The following PARD3B variants were observed in gnomAD, a reference collection of about 807,000 sequenced individuals.
The protein encoded by PARD3B is partitioning defective 3 homolog B.
In PARD3B, 103 loss-of-function variants were observed where a neutral mutation model predicts 130.2. The observed-to-expected ratio is 0.79, with a 90% CI of 0.67 to 0.93. PARD3B has a LOEUF of 0.93. Among genes scored for constraint, PARD3B ranks in the 40% least tolerant of loss-of-function variants. The pLI, the probability that PARD3B is intolerant of heterozygous loss-of-function variation, is 0.00. For missense variants in PARD3B, 1,609 were observed against 1,499.2 expected, an observed-to-expected ratio of 1.07 and a Z score of -1.21; for synonymous variants, 583 against 553.2, an observed-to-expected ratio of 1.05 and a Z score of -0.76.
intron 2 of PARD3B, among the ~76,000 whole-genome samples, chr2:204,854,571 T>A (rs1227569113): frequency 6.6e-6 from 1 of 152,122 alleles, no homozygotes; most frequent in Non-Finnish European, 1.5e-5. Context: ...GGCATCGTTT[T>A]CACCCAAGGG....
rs528914573 is a variant in PARD3B, at chr2:205,281,682, C to G, written c.2186-18848C>G. On this transcript the variant is annotated intron_variant, in intron 16 of 22. Coordinates refer to ENST00000406610, the MANE Select transcript of PARD3B (RefSeq NM_001302769.2). The surrounding 1 kb of genome is among the most constrained non-coding windows in gnomAD (Gnocchi z 4.2). ...TTTCTAAGACACTATATAACCTGCA[C>G]TCGGAAGGCAGGCAACTGTTTTGTA... Among the ~76,000 whole-genome samples the G allele has an allele frequency of 2.0e-5, 3 of 152,288 alleles. No individual in the cohort carries two copies. In the East Asian group the frequency reaches 5.8e-4, roughly 29 times the overall value.
At position 204,961,155 on chromosome 2, in the gene PARD3B, A is replaced by G. The variant is rs370989374; in HGVS notation, c.223-3997A>G. Reference sequence around the variant, plus strand: ...TAGGCTTTTCTTCAAGTGAGGTGGGAAAGTATTAAAGGAGTCTCATCAGAG... The same window carrying G: ...TAGGCTTTTCTTCAAGTGAGGTGGGGAAGTATTAAAGGAGTCTCATCAGAG... On this transcript the variant is annotated intron_variant, in intron 2 of 22. Coordinates refer to ENST00000406610, the MANE Select transcript of PARD3B (RefSeq NM_001302769.2). Among the ~76,000 whole-genome samples, 3 of 152,272 alleles carry G rather than the reference A, an allele frequency of 2.0e-5. No homozygotes were observed. The South Asian group carries it at 6.2e-4, about 32-fold the overall frequency.
chr2:204,735,659 C>T (rs1298212154), intron 2 of PARD3B, among the ~76,000 whole-genome samples: 2 of 152,058 alleles, frequency 1.3e-5, no homozygotes, highest in Non-Finnish European at 2.9e-5. Flanking sequence ...GTAAAAGACA[C>T]TTTAGAGCAA....
intron 1 of PARD3B, among the ~76,000 whole-genome samples, chr2:204,581,086 C>T (rs572378153): frequency 2.6e-5 from 4 of 152,164 alleles, no homozygotes; most frequent in Non-Finnish European, 4.4e-5. Flanking sequence ...TATCACACTA[C>T]GTTTTTCAAA....
chr2:204,801,880 A>G (rs2042582721), intron 2 of PARD3B, among the ~76,000 whole-genome samples: 1 of 152,308 alleles, frequency 6.6e-6, no homozygotes, highest in Middle Eastern at 3.4e-3. Context: ...GATACATTCC[A>G]TCAGTACATA....
rs1694608613 is a variant in PARD3B, at chr2:204,999,069, T to C, written c.394+33746T>C. ...TGGCAATAAAGTGTAATCTTTTTTA[T>C]GCATCGCTGGGTTCAGTTTGCTAAT... On this transcript the variant is annotated intron_variant, in intron 3 of 22. Transcript: ENST00000406610. Among the ~76,000 whole-genome samples the C allele has an allele frequency of 2.0e-5, 3 of 152,134 alleles. No individual in the cohort carries two copies. In the South Asian group the frequency reaches 6.2e-4, roughly 31 times the overall value.
chr2:205,580,386 T>C (rs530076620), intron 22 of PARD3B, among the ~76,000 whole-genome samples: 1 of 152,256 alleles, frequency 6.6e-6, no homozygotes, highest in African/African-American at 2.4e-5. Flanking sequence ...AAAACGGGCT[T>C]CTCCGGTCTC....
In PARD3B at chr2:205,244,675, AT is replaced by A. The variant is rs199678635; in HGVS notation, c.2141-1093del. Among the ~76,000 whole-genome samples the A allele has an allele frequency of 9.4e-5, 14 of 149,004 alleles. No individual in the cohort carries two copies. The highest frequency in any genetic ancestry group is 3.9e-4 in the East Asian group (2 of 5,100). ...GTGGGAAAGTTTTACTTATAAACAC[AT>A]TTTTTTTTTCAAAAAACTACTATAG... On this transcript the variant is annotated intron_variant, in intron 15 of 22. Coordinates refer to ENST00000406610, the MANE Select transcript of PARD3B (RefSeq NM_001302769.2). The surrounding 1 kb of genome is among the most constrained non-coding windows in gnomAD (Gnocchi z 4.7).
chr2:205,469,603 C>T (rs2048753775), intron 20 of PARD3B, among the ~76,000 whole-genome samples: 1 of 152,178 alleles, frequency 6.6e-6, no homozygotes, highest in Middle Eastern at 3.2e-3. Flanking sequence ...TATAGTCAGC[C>T]TAATCTTGGC....
At chr2:204,881,973 G>C (rs1345961738) in intron 2 of PARD3B, among the ~76,000 whole-genome samples, 1 of 152,166 alleles carries the variant, frequency 6.6e-6, no homozygotes, top group Non-Finnish European at 1.5e-5. Flanking sequence ...GGAGATAGCT[G>C]ACACCCTTGA....
chr2:204,832,711 C>T (rs887423424), intron 2 of PARD3B, among the ~76,000 whole-genome samples: 3 of 152,100 alleles, frequency 2.0e-5, no homozygotes, highest in African/African-American at 7.2e-5. Context: ...CTCTTTAGGT[C>T]TCAGATAGGG....
At chr2:205,206,495 C>T (rs2037318826) in intron 15 of PARD3B, among the ~76,000 whole-genome samples, 1 of 150,824 alleles carries the variant, frequency 6.6e-6, no homozygotes, top group South Asian at 2.1e-4. Context: ...CGATAGTTTA[C>T]CGAGAATGAT....
In PARD3B at chr2:205,207,407, C is replaced by A. The variant is rs992553626; in HGVS notation, c.2140+14087C>A. ...GGAAATAGAGACACAAAAAACCCTT[C>A]AAAAAATTAATGAATCCAAGAGCTG... On this transcript the variant is annotated intron_variant, in intron 15 of 22. Coordinates refer to ENST00000406610, the MANE Select transcript of PARD3B (RefSeq NM_001302769.2). 9.4e-5 allele frequency among the ~76,000 whole-genome samples: 14 copies of A among 148,236 alleles called. 1 individual carries two copies. The highest frequency in any genetic ancestry group is 3.6e-4 in the African/African-American group (14 of 38,910).
chr2:205,133,137 G>T (rs1189288539), intron 10 of PARD3B, among the ~76,000 whole-genome samples: 1 of 152,080 alleles, frequency 6.6e-6, no homozygotes, highest in East Asian at 1.9e-4. Context: ...CCACAATGAG[G>T]GTTAGGATAG....
chr2:205,328,946 T>A lies in PARD3B; in HGVS notation c.2630+27245T>A, dbSNP rs193222598. Among the ~76,000 whole-genome samples the A allele has an allele frequency of 7.4e-4, 112 of 152,288 alleles. 1 individual carries two copies. Among genetic ancestry groups the A allele is most frequent in the African/African-American group, 2.2e-3 (93 of 41,560 alleles). ...TGAAATAGTATATCTTTTCTCAAAC[T>A]TTTTCCTCAATGCATTTCTACTACC... On this transcript the variant is annotated intron_variant, in intron 18 of 22. Transcript: ENST00000406610.
intron 1 of PARD3B, among the ~76,000 whole-genome samples, chr2:204,574,816 C>T (rs1205390683): frequency 6.6e-6 from 1 of 152,302 alleles, no homozygotes; most frequent in Non-Finnish European, 1.5e-5. Flanking sequence ...TATGGTATCT[C>T]TTCCCAGTAG....
chr2:204,788,749 G>A (rs949109585), intron 2 of PARD3B, among the ~76,000 whole-genome samples: 10 of 152,008 alleles, frequency 6.6e-5, no homozygotes, highest in Non-Finnish European at 2.9e-5. Context: ...AATTAGGAAG[G>A]AAAAGACAAG....
chr2:205,095,820 A>G (rs956037620), intron 4 of PARD3B, among the ~76,000 whole-genome samples: 1 of 152,180 alleles, frequency 6.6e-6, no homozygotes, highest in Non-Finnish European at 1.5e-5. Context: ...GAACTTTATT[A>G]TAAAAATTTC....
At chr2:204,874,782 A>T (rs931059776) in intron 2 of PARD3B, among the ~76,000 whole-genome samples, 1 of 152,156 alleles carries the variant, frequency 6.6e-6, no homozygotes, top group Non-Finnish European at 1.5e-5. Context: ...TCTGATTTCT[A>T]TAATATCACC....
Sources: allele counts gnomAD v4.1 joint callset (sites outside exome capture counted in the v4.1 genomes callset), GRCh38; gene constraint gnomAD v4.1.1; non-coding constraint Gnocchi (gnomAD v3.1); transcripts MANE v1.5; gene names NCBI Gene and HGNC (gene_info 2026-07-23, HGNC 2026-07-21).